Variants in PRKCZ observed in about 807,000 individuals in gnomAD.
PRKCZ encodes protein kinase C zeta, also known as protein kinase C zeta type.
In PRKCZ, 33 loss-of-function variants were observed where a neutral mutation model predicts 79.5. The ratio of observed to expected loss-of-function variants is 0.41; its 90% CI spans 0.31 to 0.55. The LOEUF (loss-of-function observed/expected upper bound fraction) is 0.55, where lower values mean the gene tolerates loss of function less well. PRKCZ is among the 20% of genes least tolerant of loss of function. PRKCZ has a pLI of 0.19. For synonymous variants in PRKCZ, 342 were observed against 320.9 expected (o/e 1.07, Z -0.70); for missense variants, 578 against 813.5 (o/e 0.71, Z 3.52).
chr1:2,169,449 G>C, intron 10 of PRKCZ, 69 bp from the exon 11 acceptor site: 1 of 1,392,326 alleles, frequency 7.2e-7, no homozygotes, highest in South Asian at 1.2e-5. Context: ...CCGCTTCTGT[G>C]GGGCTTCTGT....
At position 2,050,443 on chromosome 1, in the gene PRKCZ, GTCCCGCCCCGCGCGCCCCCCGC is replaced by G. The variant is rs1472925344; in HGVS notation, c.-171_-150del. 2.8e-4 allele frequency: 58 copies of G among 204,628 alleles called. 1 individual carries two copies. The highest frequency in any genetic ancestry group is 2.0e-3 in the Admixed American group (33 of 16,740). The allele number at this position is 204,628 out of a possible 1,614,324, so 12.7% of individuals were successfully genotyped here. On this transcript the variant is annotated 5_prime_UTR_variant, in exon 1 of 18. Coordinates refer to ENST00000378567, the MANE Select transcript of PRKCZ (RefSeq NM_002744.6). Reference sequence around the variant, plus strand: ...CACCGCCCCCCGCCCCCGCCGGACGGTCCCGCCCCGCGCGCCCCCCGCTCCCGCCCCGCGCGCCGCCGGAGTT... The same window carrying G: ...CACCGCCCCCCGCCCCCGCCGGACGGTCCCGCCCCGCGCGCCGCCGGAGTT...
In PRKCZ at chr1:2,082,228, TC is replaced by T. The variant is rs1663675340; in HGVS notation, c.334+22640del. 36 of 370,572 alleles carry T rather than the reference TC, an allele frequency of 9.7e-5. No individual in the cohort carries two copies. Among genetic ancestry groups the T allele is most frequent in the South Asian group, 7.3e-4 (36 of 49,296 alleles). The allele number at this position is 370,572 out of a possible 1,614,324, so 23.0% of individuals were successfully genotyped here. A position where few individuals can be genotyped will look rare whatever the true frequency, so the allele number is the denominator to read the frequency against. The stretch of plus-strand genomic sequence containing the variant: ...TGTCCCGCCTGTTGTGTGCGCCTTT[TC>T]CCTGCTCCAGGGCTGTGTATTTGGC... On this transcript the variant is annotated intron_variant, in intron 4 of 17. Transcript: ENST00000378567. The surrounding 1 kb of genome is among the most constrained non-coding windows in gnomAD (Gnocchi z 4.4).
chr1:2,185,097 G>A lies in PRKCZ; in HGVS notation c.*88G>A. On this transcript the variant is annotated 3_prime_UTR_variant, in exon 18 of 18. Transcript: ENST00000378567. The stretch of plus-strand genomic sequence containing the variant: ...GCATATGCATGCCAGGCTGGGCACG[G>A]CTCCGAGGGCGGCCAGGGACAGACG... 2 of 1,302,180 alleles carry A rather than the reference G, an allele frequency of 1.5e-6. No individual in the cohort carries two copies. The highest frequency in any genetic ancestry group is 2.0e-5 in the Admixed American group (1 of 50,156). 80.7% of individuals were successfully genotyped at this position (1,302,180 alleles called of 1,614,324 possible).
At chr1:2,144,760 GC>G in intron 6 of PRKCZ, 2 of 550,144 alleles carry the variant, frequency 3.6e-6, no homozygotes, top group Non-Finnish European at 4.7e-6. Flanking sequence ...GGGAAGCCAT[GC>G]CCAGCCTGTG....
Position 2,177,376 on chromosome 1 carries a change from T to C in PRKCZ, c.1575+2063T>C, listed in dbSNP as rs1234510597. On this transcript the variant is annotated intron_variant, in intron 16 of 17. Transcript: ENST00000378567. The surrounding 1 kb of genome is among the most constrained non-coding windows in gnomAD (Gnocchi z 6.4). The stretch of plus-strand genomic sequence containing the variant: ...CCCGTGCCTTTCCCACCCTCTCTCT[T>C]CCAAGCCCACCACCGTATGGGGCCC... Among the ~76,000 whole-genome samples, 1 of 151,988 alleles carries C rather than the reference T, an allele frequency of 6.6e-6. No individual in the cohort carries two copies. The highest frequency in any genetic ancestry group is 2.4e-5 in the African/African-American group (1 of 41,370).
In PRKCZ at chr1:2,082,323, G is replaced by A. The variant is rs1663692831; in HGVS notation, c.334+22732G>A. On this transcript the variant is annotated intron_variant, in intron 4 of 17. Transcript: ENST00000378567. The surrounding 1 kb of genome is among the most constrained non-coding windows in gnomAD (Gnocchi z 4.4). ...GGCTGCCAGAGCGGCTGTTCAAGAT[G>A]GACTTGGCAAATCACCTCTTTCAAG... 8.8e-6 allele frequency: 4 copies of A among 453,952 alleles called. No individual in the cohort carries two copies. Among genetic ancestry groups the A allele is most frequent in the South Asian group, 6.2e-5 (4 of 64,256 alleles). 28.1% of individuals were successfully genotyped at this position (453,952 alleles called of 1,614,324 possible).
intron 1 of PRKCZ, among the ~76,000 whole-genome samples, chr1:2,053,247 C>A (rs894834233): frequency 6.6e-6 from 1 of 152,110 alleles, no homozygotes; most frequent in African/African-American, 2.4e-5. Flanking sequence ...ACTACAGACG[C>A]CCGCCACCAC....
intron 4 of PRKCZ, among the ~76,000 whole-genome samples, chr1:2,065,530 T>G (rs1170860720): frequency 6.6e-6 from 1 of 152,008 alleles, no homozygotes; most frequent in Non-Finnish European, 1.5e-5. Flanking sequence ...ATACAAAAAA[T>G]TATCCGGGCG....
chr1:2,168,669 C>T lies in PRKCZ; in HGVS notation c.975-849C>T, dbSNP rs1005564286. Among the ~76,000 whole-genome samples the T allele has an allele frequency of 3.3e-5, 5 of 151,978 alleles. No homozygotes were observed. The highest frequency in any genetic ancestry group is 4.8e-5 in the African/African-American group (2 of 41,356). The stretch of plus-strand genomic sequence containing the variant: ...ACAGTGGCGGTGGTGTGGGAGCTTG[C>T]GTGGGATCGAAGGAAACGGGCAGAG... On this transcript the variant is annotated intron_variant, in intron 10 of 17. Coordinates refer to ENST00000378567, the MANE Select transcript of PRKCZ (RefSeq NM_002744.6). The surrounding 1 kb of genome is among the most constrained non-coding windows in gnomAD (Gnocchi z 4.7).
intron 4 of PRKCZ, among the ~76,000 whole-genome samples, chr1:2,105,659 C>T (rs530902512): frequency 3.9e-5 from 6 of 152,312 alleles, no homozygotes; most frequent in Non-Finnish European, 7.4e-5. Context: ...CTCAGCCTCC[C>T]AAAGTGCTGG....
intron 4 of PRKCZ, among the ~76,000 whole-genome samples, chr1:2,076,567 C>A (rs1364445533): frequency 6.6e-6 from 1 of 152,016 alleles, no homozygotes; most frequent in Non-Finnish European, 1.5e-5. Flanking sequence ...CATGGAGAAA[C>A]CCCGGCTCTA....
chr1:2,079,328 G>C (rs1663040765), intron 4 of PRKCZ, among the ~76,000 whole-genome samples: 1 of 152,216 alleles, frequency 6.6e-6, no homozygotes, highest in Non-Finnish European at 1.5e-5. Context: ...AGTTCCTTGT[G>C]GGCACCATTG....
chr1:2,094,505 G>A lies in PRKCZ; in HGVS notation c.334+34914G>A, dbSNP rs1557543783. ...CCGTTCTGAGGCGCCCTCTGTGCCC[G>A]GCTCGTTGAACCTTGGGCGCTGCCC... On this transcript the variant is annotated intron_variant, in intron 4 of 17. Coordinates refer to ENST00000378567, the MANE Select transcript of PRKCZ (RefSeq NM_002744.6). The surrounding 1 kb of genome is among the most constrained non-coding windows in gnomAD (Gnocchi z 7.3). Among the ~76,000 whole-genome samples the A allele has an allele frequency of 2.8e-5, 4 of 141,804 alleles. No homozygotes were observed. Among genetic ancestry groups the A allele is most frequent in the Non-Finnish European group, 6.1e-5 (4 of 65,776 alleles). The allele number at this position is 141,804 out of a possible 152,430, so 93.0% of individuals were successfully genotyped here.
intron 10 of PRKCZ, among the ~76,000 whole-genome samples, chr1:2,164,506 G>A (rs1475786020): frequency 1.3e-5 from 2 of 152,198 alleles, no homozygotes; most frequent in East Asian, 3.9e-4. Context: ...TAGGGTGGGT[G>A]TCTGGATGGG....
chr1:2,114,208 C>T (rs1029563331), intron 4 of PRKCZ, among the ~76,000 whole-genome samples: 11 of 151,112 alleles, frequency 7.3e-5, no homozygotes, highest in Non-Finnish European at 1.3e-4. Flanking sequence ...GGAGGGACCC[C>T]GGATGCAGGG....
rs1685023665 is a variant in PRKCZ at position 2,174,280 on chromosome 1, G to C, written c.1405+264G>C. Reference sequence around the variant, plus strand: ...CCTCCTGCCCTGGCCAGCAGCACATGCTGGAGCCCCAGCATGTCCTTGACC... The same window carrying C: ...CCTCCTGCCCTGGCCAGCAGCACATCCTGGAGCCCCAGCATGTCCTTGACC... On this transcript the variant is annotated intron_variant, in intron 14 of 17. Transcript: ENST00000378567. This position sits in a 1 kb window ranked among gnomAD's most constrained non-coding sequence, Gnocchi z 6.2. Among the ~76,000 whole-genome samples, 1 of 152,180 alleles carries C rather than the reference G, an allele frequency of 6.6e-6. No individual in the cohort carries two copies.
chr1:2,130,530 T>C (rs3107157), intron 4 of PRKCZ, among the ~76,000 whole-genome samples: 98,974 of 152,010 alleles, frequency 0.65, 32,800 homozygotes, highest in African/African-American at 0.78. Context: ...ATAGGGTGTG[T>C]GTATAGAAAG....
chr1:2,150,121 C>T (rs1339449837), intron 8 of PRKCZ, among the ~76,000 whole-genome samples: 2 of 146,248 alleles, frequency 1.4e-5, no homozygotes, highest in Non-Finnish European at 3.0e-5. Context: ...GAGATCGTGC[C>T]ACTGCACTCC....
chr1:2,160,857 C>G (rs900129933), intron 10 of PRKCZ, among the ~76,000 whole-genome samples: 1 of 152,008 alleles, frequency 6.6e-6, no homozygotes, highest in Non-Finnish European at 1.5e-5. Flanking sequence ...CCCGCCCCGC[C>G]GGGGGTGATT....
Sources: gnomAD v4.1 joint callset for allele counts (sites outside exome capture counted in the v4.1 genomes callset) on GRCh38, gnomAD v4.1.1 for gene constraint, Gnocchi (gnomAD v3.1) non-coding constraint, MANE v1.5 for transcripts, NCBI Gene and HGNC (gene_info 2026-07-23, HGNC 2026-07-21) for gene names.